Variants in RUNX1 observed in about 807,000 individuals in gnomAD.
The protein encoded by RUNX1 is runt-related transcription factor 1.
RUNX1 carries 19 observed loss-of-function variants against 42.8 expected under a neutral mutation model. The observed-to-expected ratio is 0.44, with a 90% CI of 0.31 to 0.65. The LOEUF (loss-of-function observed/expected upper bound fraction) is 0.65. Among genes scored for constraint, RUNX1 ranks in the 30% least tolerant of loss-of-function variants. The pLI is 0.07. For missense variants in RUNX1, 528 were observed against 672.0 expected (o/e 0.79, Z 2.37); for synonymous variants, 271 against 289.4 (o/e 0.94, Z 0.64).
At chr21:34,813,398 AAC>A (rs1190441518) in intron 7 of RUNX1, among the ~76,000 whole-genome samples, 3 of 152,190 alleles carry the variant, frequency 2.0e-5, no homozygotes, top group African/African-American at 7.2e-5. Flanking sequence ...GGGGAAAGCT[AAC>A]ACAGCATTGT....
chr21:34,929,867 G>A (rs1386962190), intron 2 of RUNX1, among the ~76,000 whole-genome samples: 2 of 152,022 alleles, frequency 1.3e-5, no homozygotes, highest in Non-Finnish European at 2.9e-5. Flanking sequence ...TGCCATCCAG[G>A]TATTCCTTGA....
intron 2 of RUNX1, among the ~76,000 whole-genome samples, chr21:34,903,554 C>T (rs1480112383): frequency 6.6e-6 from 1 of 152,102 alleles, no homozygotes; most frequent in Non-Finnish European, 1.5e-5. Flanking sequence ...TGTTTTGGGA[C>T]ATAGAAAGTC....
At chr21:34,872,832 G>A (rs866897299) in intron 5 of RUNX1, among the ~76,000 whole-genome samples, 14 of 151,936 alleles carry the variant, frequency 9.2e-5, no homozygotes, top group Non-Finnish European at 1.6e-4. Flanking sequence ...CCCAATACAC[G>A]ACCACCAAAA....
intron 2 of RUNX1, among the ~76,000 whole-genome samples, chr21:34,931,931 G>C (rs2058450553): frequency 1.3e-5 from 2 of 152,108 alleles, no homozygotes; most frequent in South Asian, 4.1e-4. Flanking sequence ...GAAGAGTCTT[G>C]AGCATTATAG....
rs186792310 is a variant in RUNX1 at position 34,814,875 on chromosome 21, A to G, written c.806-15413T>C. On this transcript the variant is annotated intron_variant, in intron 7 of 8. Transcript: ENST00000675419. ...CTCTGTTTTTCAACAAGAAAATGCA[A>G]GTACCAACAAAAGCCTATTATAACA... is the stretch of plus-strand genomic sequence containing the variant. Among the ~76,000 whole-genome samples, 34 of 152,286 alleles carry G rather than the reference A, an allele frequency of 2.2e-4. No homozygotes were observed. The East Asian group carries it at 3.7e-3, about 16-fold the overall frequency.
intron 2 of RUNX1, among the ~76,000 whole-genome samples, chr21:35,028,122 G>A (rs1222076134): frequency 6.6e-6 from 1 of 152,174 alleles, no homozygotes; most frequent in African/African-American, 2.4e-5. Context: ...GAAGTTTCCT[G>A]AAGATTTCAT....
intron 7 of RUNX1, among the ~76,000 whole-genome samples, chr21:34,813,511 T>C (rs1349716946): frequency 1.3e-5 from 2 of 151,960 alleles, no homozygotes; most frequent in Non-Finnish European, 2.9e-5. Context: ...GCTGCAGTCA[T>C]GATGCACCCA....
chr21:34,989,197 C>T (rs1271009862), intron 2 of RUNX1, among the ~76,000 whole-genome samples: 5 of 151,952 alleles, frequency 3.3e-5, no homozygotes, highest in Admixed American at 1.3e-4. Flanking sequence ...TTAGTAGAGA[C>T]GGGGTTTCTC....
intron 7 of RUNX1, among the ~76,000 whole-genome samples, chr21:34,825,701 AC>A (rs1156782233): frequency 1.3e-5 from 2 of 152,212 alleles, no homozygotes; most frequent in African/African-American, 2.4e-5. Flanking sequence ...TGGCTCCAGA[AC>A]CATTTCCTCA....
At chr21:35,044,584 A>G (rs1012259346) in intron 2 of RUNX1, among the ~76,000 whole-genome samples, 2 of 152,232 alleles carry the variant, frequency 1.3e-5, no homozygotes, top group African/African-American at 2.4e-5. Flanking sequence ...AAGAAAAGAA[A>G]GAAAAGGCCA....
chr21:34,856,494 A>T (rs1339891839), intron 6 of RUNX1: 4 of 513,864 alleles, frequency 7.8e-6, no homozygotes, highest in African/African-American at 7.7e-5. Context: ...GTATGGATAG[A>T]GAGATGAACA....
chr21:34,799,580 G>A (rs1191002531), intron 7 of RUNX1, 118 bp from the exon 8 acceptor site: 2 of 851,524 alleles, frequency 2.3e-6, no homozygotes, highest in African/African-American at 3.4e-5. Flanking sequence ...TGTGGCCTAT[G>A]TACCAGGGTT....
chr21:34,983,538 T>C (rs542325935), intron 2 of RUNX1, among the ~76,000 whole-genome samples: 6 of 152,350 alleles, frequency 3.9e-5, no homozygotes, highest in South Asian at 4.1e-4. Flanking sequence ...GATAATGATA[T>C]ACAATCTCTT....
chr21:34,988,105 G>A (rs1052964367), intron 2 of RUNX1, among the ~76,000 whole-genome samples: 1 of 152,110 alleles, frequency 6.6e-6, no homozygotes, highest in Non-Finnish European at 1.5e-5. Context: ...GTCAGTATGC[G>A]CCCCTCCTCA....
At chr21:35,020,018 T>C (rs1182976986) in intron 2 of RUNX1, among the ~76,000 whole-genome samples, 4 of 152,292 alleles carry the variant, frequency 2.6e-5, no homozygotes, top group Non-Finnish European at 2.9e-5. Context: ...CCAGGATTCA[T>C]CTTGGGTCTT....
At chr21:34,817,824 G>GATC (rs1049030633) in intron 7 of RUNX1, among the ~76,000 whole-genome samples, 1 of 152,134 alleles carries the variant, frequency 6.6e-6, no homozygotes, top group African/African-American at 2.4e-5. Flanking sequence ...CCTTCAGAGC[G>GATC]ATCATCACCC....
chr21:34,887,233 T>TG, intron 3 of RUNX1, 137 bp from the exon 4 acceptor site: 2 of 282,210 alleles, frequency 7.1e-6, no homozygotes, highest in Non-Finnish European at 3.9e-6. Flanking sequence ...CCTTTATTAC[T>TG]GCGGGGGGTG....
intron 2 of RUNX1, among the ~76,000 whole-genome samples, chr21:34,990,261 A>C (rs1405599822): frequency 6.6e-6 from 1 of 152,226 alleles, no homozygotes; most frequent in Non-Finnish European, 1.5e-5. Context: ...TTTTAAAACC[A>C]GAATCTCTAA....
chr21:34,921,635 A>AT lies in RUNX1; in HGVS notation c.59-28673dup, dbSNP rs71196917. Reference sequence around the variant, plus strand: ...TCTTATTCACTCTATTGACATAATCATTTTTTTTTTCTTTTGAGACAGTGT... The same window carrying AT: ...TCTTATTCACTCTATTGACATAATCATTTTTTTTTTTCTTTTGAGACAGTGT... On this transcript the variant is annotated intron_variant, in intron 2 of 8. Transcript: ENST00000675419. 7.8e-4 allele frequency among the ~76,000 whole-genome samples: 118 copies of AT among 150,956 alleles called. 3 individuals are homozygous for AT. Among genetic ancestry groups the AT allele is most frequent in the South Asian group, 6.7e-3 (32 of 4,768 alleles).
Sources: gnomAD v4.1 joint callset for allele counts (sites outside exome capture counted in the v4.1 genomes callset) on GRCh38, gnomAD v4.1.1 for gene constraint, MANE v1.5 for transcripts, NCBI Gene and HGNC (gene_info 2026-07-23, HGNC 2026-07-21) for gene names.